The following POLR1A variants were observed in gnomAD, a reference collection of about 807,000 sequenced individuals.
POLR1A encodes DNA-directed RNA polymerase I subunit RPA1.
In POLR1A, 84 loss-of-function variants were observed where a neutral mutation model predicts 205.3. That is an observed-to-expected ratio of 0.41 (90% CI 0.34 to 0.49). POLR1A has a LOEUF of 0.49. Among genes scored for constraint, POLR1A ranks in the 20% least tolerant of loss-of-function variants. The pLI, the probability that POLR1A is intolerant of heterozygous loss-of-function variation, is 0.22. For synonymous variants in POLR1A, 799 were observed against 863.7 expected (o/e 0.93, Z 1.31); for missense variants, 1,645 against 2,204.5 (o/e 0.75, Z 5.08).
chr2:86,068,397 G>GC lies in POLR1A; in HGVS notation c.1866+1620_1866+1621insG, dbSNP rs1553436077. On this transcript the variant is annotated intron_variant, in intron 13 of 33. Transcript: ENST00000263857. The stretch of plus-strand genomic sequence containing the variant: ...GCCAAGCACATGGGCGGGGGGGGGG[G>GC]GCGGGTGTCGTCCAAAGCTGCTGGG... Among the ~76,000 whole-genome samples the GC allele has an allele frequency of 1.1e-3, 117 of 107,992 alleles. 14 individuals are homozygous for GC. Among genetic ancestry groups the GC allele is most frequent in the Non-Finnish European group, 1.8e-3 (93 of 50,610 alleles). 70.8% of individuals were successfully genotyped at this position (107,992 alleles called of 152,430 possible).
At position 86,078,186 on chromosome 2, in the gene POLR1A, C is replaced by T. The variant is rs889095907; in HGVS notation, c.1185G>A (p.Gln395=). 2 of 1,613,328 alleles carry T rather than the reference C, an allele frequency of 1.2e-6. No homozygotes were observed. The highest frequency in any genetic ancestry group is 1.7e-5 in the Admixed American group (1 of 59,754). ...TATCAAACACAATATTGACGTGGCT[C>T]TGAAGGCGAATCCAAATGTTGTAAA... is the stretch of plus-strand genomic sequence containing the variant. ...DKLYNIWIRL[Q]SHVNIVFDSE... The change falls in exon 10 of 34, where the codon CAG becomes CAA. Residue 395 remains glutamine, a synonymous_variant. Coordinates refer to ENST00000263857, the MANE Select transcript of POLR1A (RefSeq NM_015425.6).
At chr2:86,030,123 A>T in intron 31 of POLR1A, 73 bp downstream of exon 31, 1 of 1,261,154 alleles carries the variant, frequency 7.9e-7, no homozygotes, top group Non-Finnish European at 1.2e-6. Context: ...CGAGCCTCCC[A>T]GTGGCTGGGT....
At position 86,105,734 on chromosome 2, in the gene POLR1A, T is replaced by G. The variant is rs2104442482; in HGVS notation, c.43A>C (p.Ile15Leu). The G allele has an allele frequency of 6.2e-7, 1 of 1,614,140 alleles. No homozygotes were observed. Among genetic ancestry groups the G allele is most frequent in the Admixed American group, 1.7e-5 (1 of 60,032 alleles). The change falls in exon 1 of 34, where the codon ATT becomes CTT. Residue 15 changes from isoleucine (I) to leucine (L), a missense_variant. Around this residue, in one of 16 missense-constraint regions of POLR1A, gnomAD observed 330 missense variants for 375.6 expected, o/e 0.88. Coordinates refer to ENST00000263857, the MANE Select transcript of POLR1A (RefSeq NM_015425.6). ...TCAGCCGAATACATCCCGAAGGAAATGCCCTGCAGCCGCCGCCAGGGCATG... is the reference window on the plus strand; with the variant it reads ...TCAGCCGAATACATCCCGAAGGAAAGGCCCTGCAGCCGCCGCCAGGGCATG... ...KNMPWRRLQG[I>L]SFGMYSAEEL... is the part of the protein sequence containing the mutation.
At chr2:86,034,292 C>G (rs983349716) in intron 27 of POLR1A, among the ~76,000 whole-genome samples, 2 of 152,190 alleles carry the variant, frequency 1.3e-5, no homozygotes, top group Non-Finnish European at 2.9e-5. Context: ...CCACAACCTG[C>G]AGCATCTCCA....
intron 22 of POLR1A, among the ~76,000 whole-genome samples, chr2:86,043,765 T>C (rs1192674788): frequency 6.6e-6 from 1 of 152,208 alleles, no homozygotes; most frequent in Non-Finnish European, 1.5e-5. Flanking sequence ...TGTTTACTTA[T>C]GCTTTGATAC....
intron 11 of POLR1A, among the ~76,000 whole-genome samples, chr2:86,075,933 C>G (rs138563732): frequency 6.6e-6 from 1 of 152,198 alleles, no homozygotes; most frequent in Non-Finnish European, 1.5e-5. Context: ...CCTGACATCC[C>G]TCATCTACCC....
At chr2:86,038,898 C>A in intron 26 of POLR1A, 41 bp from the exon 27 acceptor site, 1 of 1,599,008 alleles carries the variant, frequency 6.3e-7, no homozygotes, top group Non-Finnish European at 8.6e-7. Flanking sequence ...TTGTTCAGGT[C>A]CTAGGTGACT....
chr2:86,060,362 C>T (rs1374109095), intron 14 of POLR1A, among the ~76,000 whole-genome samples: 1 of 149,312 alleles, frequency 6.7e-6, no homozygotes, highest in African/African-American at 2.5e-5. Flanking sequence ...AGTTGACAGT[C>T]TTTTTTTTTT....
chr2:86,097,795 TAGAC>T (rs954458324), intron 3 of POLR1A, among the ~76,000 whole-genome samples: 7 of 152,054 alleles, frequency 4.6e-5, no homozygotes, highest in East Asian at 3.9e-4. Context: ...AAATTACAAT[TAGAC>T]AGGAGGAATA....
intron 19 of POLR1A, 111 bp from the exon 20 acceptor site, chr2:86,045,880 C>T (rs1337931940): frequency 2.5e-5 from 23 of 933,558 alleles, no homozygotes; most frequent in Admixed American, 3.0e-5. Context: ...GCATGGAAAC[C>T]GAGTTCTTGA....
At chr2:86,033,579 G>A in intron 28 of POLR1A, 82 bp downstream of exon 28, 1 of 1,466,302 alleles carries the variant, frequency 6.8e-7, no homozygotes, top group Non-Finnish European at 9.3e-7. Context: ...GGGGCTGGAG[G>A]AGCACAGAGA....
intron 9 of POLR1A, among the ~76,000 whole-genome samples, chr2:86,078,893 T>C (rs1245314922): frequency 1.3e-5 from 2 of 152,342 alleles, no homozygotes; most frequent in African/African-American, 4.8e-5. Flanking sequence ...CCCCTAGCCC[T>C]GTCTCCTCCT....
At chr2:86,041,599 A>C (rs1573806541) in intron 24 of POLR1A, among the ~76,000 whole-genome samples, 2 of 152,086 alleles carry the variant, frequency 1.3e-5, no homozygotes, top group South Asian at 4.2e-4. Flanking sequence ...AGTCAGCCCC[A>C]CCCACCACAC....
intron 13 of POLR1A, among the ~76,000 whole-genome samples, chr2:86,067,645 T>C (rs1673105586): frequency 6.6e-6 from 1 of 151,968 alleles, no homozygotes; most frequent in Non-Finnish European, 1.5e-5. Flanking sequence ...GAAATTGAAT[T>C]ATAAATAAAG....
At chr2:86,075,691 A>G (rs1345511276) in intron 11 of POLR1A, among the ~76,000 whole-genome samples, 1 of 152,170 alleles carries the variant, frequency 6.6e-6, no homozygotes, top group Non-Finnish European at 1.5e-5. Flanking sequence ...TATTTTTAGT[A>G]GAGACAGGGT....
chr2:86,031,519 A>G lies in POLR1A; in HGVS notation c.4389T>C (p.Asp1463=), dbSNP rs2104380582. Residue 1463 remains aspartate (D), a synonymous_variant, in exon 30 of 34, where the codon GAT becomes GAC. Coordinates refer to ENST00000263857, the MANE Select transcript of POLR1A (RefSeq NM_015425.6). The stretch of plus-strand genomic sequence containing the variant: ...CCTCAGTGCCTAAGCCCACCTCTTC[A>G]TCTTGCTCTTGGGTCTTTCGAGCAC... ...REGARKTQEQ[D]EEVGLGTEED... 6.2e-7 allele frequency: 1 copy of G among 1,614,130 alleles called. No individual in the cohort carries two copies. Among genetic ancestry groups the G allele is most frequent in the Admixed American group, 1.7e-5 (1 of 60,032 alleles).
intron 3 of POLR1A, among the ~76,000 whole-genome samples, chr2:86,096,398 C>T (rs1403397812): frequency 6.6e-6 from 1 of 151,816 alleles, no homozygotes; most frequent in Admixed American, 6.6e-5. Flanking sequence ...ATACCAATGA[C>T]ATTCTTTGCA....
rs1409862756 is a variant in POLR1A at position 86,038,621 on chromosome 2, T to C, written c.4034+79A>G. On this transcript the variant is annotated intron_variant, in intron 27 of 33. Coordinates refer to ENST00000263857, the MANE Select transcript of POLR1A (RefSeq NM_015425.6). ...AAAGGCACTCAATCTCTAGGAGCCT[T>C]GTGGCTAGGTGCTTCCTGCCCCAGT... 7.8e-6 allele frequency: 11 copies of C among 1,413,082 alleles called. No homozygotes were observed. The Admixed American group carries it at 1.7e-4, about 22-fold the overall frequency. 87.5% of individuals were successfully genotyped at this position (1,413,082 alleles called of 1,614,324 possible).
intron 16 of POLR1A, 73 bp from the exon 17 acceptor site, chr2:86,049,315 G>A: frequency 9.6e-7 from 1 of 1,044,126 alleles, no homozygotes; most frequent in South Asian, 1.3e-5. Flanking sequence ...ACTCAGTAAG[G>A]CCAGAGCACA....
Sources: gnomAD v4.1 joint callset for allele counts (sites outside exome capture counted in the v4.1 genomes callset) on GRCh38, gnomAD v4.1.1 for gene constraint, gnomAD v4.1.1 regional missense constraint, MANE v1.5 for transcripts, NCBI Gene and HGNC (gene_info 2026-07-23, HGNC 2026-07-21) for gene names.